CSMD1: variants seen among roughly 807,000 people sequenced by gnomAD.
CSMD1 encodes CUB and sushi domain-containing protein 1.
A neutral mutation model predicts 417.5 loss-of-function variants in CSMD1; 213 were observed. The ratio of observed to expected loss-of-function variants is 0.51; its 90% CI spans 0.46 to 0.57. CSMD1 has a LOEUF of 0.57. CSMD1 is among the 20% of genes least tolerant of loss of function. CSMD1 has a pLI of 0.00. For missense variants in CSMD1, 6,923 were observed against 4,529.7 expected (o/e 1.53, Z -15.17); for synonymous variants, 2,862 against 1,736.8 (o/e 1.65, Z -16.11).
chr8:4,379,478 G>C (rs192038291), intron 3 of CSMD1, among the ~76,000 whole-genome samples: 11 of 152,314 alleles, frequency 7.2e-5, no homozygotes, highest in Admixed American at 3.3e-4. Context: ...CTTCAGTTTT[G>C]ACAATTGCAT....
At chr8:3,079,661 TA>T (rs1813941121) in intron 49 of CSMD1, among the ~76,000 whole-genome samples, 1 of 152,200 alleles carries the variant, frequency 6.6e-6, no homozygotes, top group Non-Finnish European at 1.5e-5. Flanking sequence ...AAAAATTTTG[TA>T]TAAAGTAAAA....
chr8:3,876,894 G>A (rs144022253), intron 5 of CSMD1, among the ~76,000 whole-genome samples: 254 of 152,294 alleles, frequency 1.7e-3, no homozygotes, highest in African/African-American at 5.7e-3. Context: ...GGGATTACAG[G>A]CATGATCCAC....
intron 12 of CSMD1, among the ~76,000 whole-genome samples, chr8:3,424,048 T>A (rs1469059992): frequency 6.6e-6 from 1 of 152,200 alleles, no homozygotes; most frequent in Non-Finnish European, 1.5e-5. Flanking sequence ...AAAATTTACC[T>A]CCTTTTAAAA....
Position 3,383,537 on chromosome 8 carries a change from G to C in CSMD1, c.2782+3957C>G, listed in dbSNP as rs139286581. Among the ~76,000 whole-genome samples, 283 of 152,072 alleles carry C rather than the reference G, an allele frequency of 1.9e-3. 2 individuals carry two copies. The highest frequency in any genetic ancestry group is 0.01 in the Middle Eastern group (3 of 292). ...TGGAGGGAAGCCTTCTTCCACACTAGGAAAACCTCATGCACGAATGAAAAC... is the reference window on the plus strand; with the variant it reads ...TGGAGGGAAGCCTTCTTCCACACTACGAAAACCTCATGCACGAATGAAAAC... On this transcript the variant is annotated intron_variant, in intron 18 of 69. Coordinates refer to ENST00000635120, the MANE Select transcript of CSMD1 (RefSeq NM_033225.6).
intron 2 of CSMD1, among the ~76,000 whole-genome samples, chr8:4,488,594 A>G (rs140800965): frequency 1.1e-4 from 16 of 152,106 alleles, no homozygotes; most frequent in African/African-American, 3.9e-4. Flanking sequence ...GCTGCTTTCA[A>G]TTCCTGTGCT....
At chr8:3,850,651 C>A (rs1193268763) in intron 5 of CSMD1, among the ~76,000 whole-genome samples, 1 of 152,066 alleles carries the variant, frequency 6.6e-6, no homozygotes, top group African/African-American at 2.4e-5. Flanking sequence ...GCCAAGATCG[C>A]ACCACTGCAC....
intron 12 of CSMD1, among the ~76,000 whole-genome samples, chr8:3,467,149 A>C (rs927150782): frequency 6.6e-6 from 1 of 152,212 alleles, no homozygotes; most frequent in Non-Finnish European, 1.5e-5. Flanking sequence ...ATTCACTGTG[A>C]AATATGACAC....
At chr8:3,587,089 T>C (rs1800635802) in intron 8 of CSMD1, among the ~76,000 whole-genome samples, 2 of 152,340 alleles carry the variant, frequency 1.3e-5, no homozygotes, top group Non-Finnish European at 2.9e-5. Context: ...CGTGAGCCAC[T>C]GCACCCACCT....
chr8:4,455,952 A>AAAAAG (rs1799446373), intron 2 of CSMD1, among the ~76,000 whole-genome samples: 9 of 145,698 alleles, frequency 6.2e-5, no homozygotes, highest in Non-Finnish European at 1.2e-4. Flanking sequence ...AAAAAAAAAA[A>AAAAAG]AAAAAAAAAA....
At chr8:3,049,025 T>A (rs1236110235) in intron 50 of CSMD1, among the ~76,000 whole-genome samples, 1 of 152,074 alleles carries the variant, frequency 6.6e-6, no homozygotes, top group Non-Finnish European at 1.5e-5. Flanking sequence ...ATTAAAGCAA[T>A]AATAAGATAC....
chr8:4,572,705 A>G (rs1373861738), intron 2 of CSMD1, among the ~76,000 whole-genome samples: 1 of 152,204 alleles, frequency 6.6e-6, no homozygotes, highest in Non-Finnish European at 1.5e-5. Context: ...AATATCCTGA[A>G]GAGTGTTTTC....
chr8:3,487,933 T>G (rs1175875896), intron 11 of CSMD1, among the ~76,000 whole-genome samples: 2 of 152,048 alleles, frequency 1.3e-5, no homozygotes, highest in Non-Finnish European at 2.9e-5. Flanking sequence ...TTAAACTTGT[T>G]TGCATCCCAT....
chr8:3,327,355 G>A (rs1375779724), intron 23 of CSMD1, among the ~76,000 whole-genome samples: 1 of 152,018 alleles, frequency 6.6e-6, no homozygotes, highest in African/African-American at 2.4e-5. Flanking sequence ...GGATGGTCTC[G>A]ATCTCGTGAC....
intron 4 of CSMD1, among the ~76,000 whole-genome samples, chr8:4,001,558 T>C (rs1815674773): frequency 6.6e-6 from 1 of 152,200 alleles, no homozygotes; most frequent in African/African-American, 2.4e-5. Context: ...GCCATGCAGT[T>C]TCCTTCTATT....
chr8:4,086,235 C>T (rs1348804786), intron 3 of CSMD1, among the ~76,000 whole-genome samples: 3 of 152,112 alleles, frequency 2.0e-5, no homozygotes, highest in African/African-American at 7.2e-5. Context: ...GGTACATCTT[C>T]ATGAACAAAG....
At chr8:4,801,345 C>T (rs906578030) in intron 1 of CSMD1, among the ~76,000 whole-genome samples, 11 of 152,098 alleles carry the variant, frequency 7.2e-5, no homozygotes, top group Non-Finnish European at 1.6e-4. Flanking sequence ...CTATAAATTG[C>T]TGCTGCTGCT....
At chr8:4,776,019 C>T (rs1025017514) in intron 1 of CSMD1, among the ~76,000 whole-genome samples, 1 of 152,050 alleles carries the variant, frequency 6.6e-6, no homozygotes, top group Non-Finnish European at 1.5e-5. Flanking sequence ...AAATCCAGGA[C>T]TTGAGGGCAG....
intron 1 of CSMD1, among the ~76,000 whole-genome samples, chr8:4,983,534 T>G (rs1450705942): frequency 3.3e-5 from 5 of 152,142 alleles, no homozygotes; most frequent in African/African-American, 9.7e-5. Context: ...ACACTTTTTG[T>G]TTTTTGAAAT....
intron 42 of CSMD1, among the ~76,000 whole-genome samples, chr8:3,114,081 AC>A: frequency 6.6e-6 from 1 of 151,788 alleles, no homozygotes; most frequent in South Asian, 2.1e-4. Flanking sequence ...AAACAAACAA[AC>A]AAAAAACATT....
Sources: gnomAD v4.1 joint callset for allele counts (sites outside exome capture counted in the v4.1 genomes callset) on GRCh38, gnomAD v4.1.1 for gene constraint, MANE v1.5 for transcripts, NCBI Gene and HGNC (gene_info 2026-07-23, HGNC 2026-07-21) for gene names.